Variants in KALRN observed in about 807,000 individuals in gnomAD.
KALRN encodes kalirin.
In KALRN, 70 loss-of-function variants were observed where a neutral mutation model predicts 353.7. The ratio of observed to expected loss-of-function variants is 0.20; its 90% CI spans 0.16 to 0.24. The LOEUF is 0.24. KALRN is among the 10% of genes least tolerant of loss of function. KALRN has a pLI of 1.00. For synonymous variants in KALRN, 1,391 were observed against 1,434.8 expected (o/e 0.97, Z 0.69); for missense variants, 2,791 against 3,756.7 (o/e 0.74, Z 6.72).
intron 39 of KALRN, among the ~76,000 whole-genome samples, chr3:124,656,411 C>A (rs931724800): frequency 4.6e-5 from 7 of 152,098 alleles, no homozygotes; most frequent in South Asian, 2.1e-4. Flanking sequence ...GAGATCGAGA[C>A]CGTCCTGGCT....
chr3:124,666,752 A>T (rs1217852190), intron 46 of KALRN, 118 bp downstream of exon 46: 2 of 861,710 alleles, frequency 2.3e-6, no homozygotes, highest in Non-Finnish European at 3.6e-6. Context: ...TTTCAGCCGA[A>T]TAACATTCGG....
intron 1 of KALRN, chr3:124,163,026 A>G (rs1009253633): frequency 6.6e-6 from 1 of 152,242 alleles, no homozygotes; most frequent in Non-Finnish European, 1.5e-5. Context: ...CAAAGGCAAG[A>G]CACCTGAAAT....
chr3:124,591,276 C>G (rs1219744227), intron 34 of KALRN, among the ~76,000 whole-genome samples: 1 of 152,176 alleles, frequency 6.6e-6, no homozygotes, highest in Non-Finnish European at 1.5e-5. Context: ...ATTCAGGTCC[C>G]TTTTCCCCGC....
At chr3:124,313,255 C>T (rs555704106) in intron 6 of KALRN, among the ~76,000 whole-genome samples, 3 of 152,268 alleles carry the variant, frequency 2.0e-5, no homozygotes, top group African/African-American at 7.2e-5. Context: ...AAGACAGAAG[C>T]AAAGCCACTA....
chr3:124,257,486 C>T (rs930658761), intron 3 of KALRN, among the ~76,000 whole-genome samples: 8 of 152,214 alleles, frequency 5.3e-5, no homozygotes, highest in African/African-American at 1.9e-4. Context: ...TGAAAACGGC[C>T]CCAGTGGCAT....
intron 10 of KALRN, among the ~76,000 whole-genome samples, chr3:124,360,204 G>A (rs2083874736): frequency 6.6e-6 from 1 of 152,186 alleles, no homozygotes; most frequent in Non-Finnish European, 1.5e-5. Context: ...GATTCTTGGG[G>A]TACCTGGTAA....
At chr3:124,491,012 A>C in intron 30 of KALRN, 128 bp downstream of exon 30, 1 of 799,796 alleles carries the variant, frequency 1.3e-6, no homozygotes, top group Non-Finnish European at 1.9e-6. Context: ...GGACAAATGA[A>C]AATGTCTCCT....
intron 34 of KALRN, among the ~76,000 whole-genome samples, chr3:124,630,889 C>T (rs535545375): frequency 2.0e-5 from 3 of 152,262 alleles, no homozygotes; most frequent in East Asian, 1.9e-4. Context: ...TAAAACAGTA[C>T]AAGAATTCTC....
chr3:124,494,646 C>T (rs983744814), intron 32 of KALRN, among the ~76,000 whole-genome samples: 3 of 152,204 alleles, frequency 2.0e-5, no homozygotes, highest in African/African-American at 7.2e-5. Flanking sequence ...GAGCAGTTGA[C>T]TTAGAAATGT....
At chr3:124,200,639 A>T (rs1413945548) in intron 1 of KALRN, among the ~76,000 whole-genome samples, 1 of 152,176 alleles carries the variant, frequency 6.6e-6, no homozygotes, top group African/African-American at 2.4e-5. Flanking sequence ...TGCCTTAGAG[A>T]ATTGTGGTGA....
intron 1 of KALRN, among the ~76,000 whole-genome samples, chr3:124,056,378 G>A (rs889280960): frequency 2.0e-5 from 3 of 152,080 alleles, no homozygotes; most frequent in Non-Finnish European, 2.9e-5. Context: ...TGGTGCAAAG[G>A]GGTATGTCCC....
intron 33 of KALRN, among the ~76,000 whole-genome samples, chr3:124,549,953 G>A (rs1197905202): frequency 6.6e-6 from 1 of 152,042 alleles, no homozygotes; most frequent in Admixed American, 6.5e-5. Flanking sequence ...GAAGTGGGTG[G>A]GGAAGTGTTA....
At chr3:124,700,816 T>C (rs981361635) in intron 56 of KALRN, among the ~76,000 whole-genome samples, 6 of 152,100 alleles carry the variant, frequency 3.9e-5, no homozygotes, top group African/African-American at 1.4e-4. Flanking sequence ...CCAGAGGGGT[T>C]TGGGAAACCC....
chr3:124,298,889 C>T lies in KALRN; in HGVS notation c.1068C>T (p.His356=), dbSNP rs2077050702. The T allele has an allele frequency of 2.5e-6, 4 of 1,614,062 alleles. No individual in the cohort carries two copies. In the East Asian group the frequency reaches 6.7e-5, roughly 27 times the overall value. ...YQYALDLQTQ[H]NHFAMNSMNA... ...ACGCCCTTGACCTCCAGACGCAGCA[C>T]AATCACTTTGCCATGAACTCCATGG... is the stretch of plus-strand genomic sequence containing the variant. The change falls in exon 6 of 60, where the codon CAC becomes CAT. Residue 356 remains histidine, a synonymous_variant. Transcript: ENST00000682506.
Position 124,477,254 on chromosome 3 carries a change from T to C in KALRN, c.4111T>C (p.Phe1371Leu). 6.2e-7 allele frequency: 1 copy of C among 1,611,792 alleles called. No individual in the cohort carries two copies. The highest frequency in any genetic ancestry group is 1.1e-5 in the South Asian group (1 of 90,952). Reference sequence around the variant, plus strand: ...TCTTTGTTCTTTTTAGGCAGACAAATTTCAGATGTATGTCACCTACTGTAA... The same window carrying C: ...TCTTTGTTCTTTTTAGGCAGACAAACTTCAGATGTATGTCACCTACTGTAA... ...GHCFVTWADK[F>L]QMYVTYCKNK... The change falls in exon 27 of 60, where the codon TTT becomes CTT. Residue 1371 changes from phenylalanine to leucine, a missense_variant. Phe to Leu is a conservative substitution (Grantham distance 22). Around this residue, in one of 11 missense-constraint regions of KALRN, gnomAD observed 54 missense variants for 131.7 expected, o/e 0.41. Coordinates refer to ENST00000682506, the MANE Select transcript of KALRN (RefSeq NM_001388419.1).
chr3:124,547,070 G>A (rs765606150), intron 33 of KALRN, among the ~76,000 whole-genome samples: 10 of 152,170 alleles, frequency 6.6e-5, no homozygotes, highest in Non-Finnish European at 1.3e-4. Context: ...GTTTGAAGTC[G>A]ACCAAAACCC....
At chr3:124,646,050 A>G (rs1022371435) in intron 37 of KALRN, among the ~76,000 whole-genome samples, 2 of 152,066 alleles carry the variant, frequency 1.3e-5, no homozygotes, top group African/African-American at 4.8e-5. Flanking sequence ...TTTGTTCTTA[A>G]TAGCCATCCT....
intron 29 of KALRN, among the ~76,000 whole-genome samples, chr3:124,489,686 T>G (rs2062931876): frequency 6.6e-6 from 1 of 152,214 alleles, no homozygotes; most frequent in Non-Finnish European, 1.5e-5. Context: ...CCCTGACCTA[T>G]GCTCTGGATC....
intron 10 of KALRN, among the ~76,000 whole-genome samples, chr3:124,353,519 G>A (rs577980722): frequency 8.9e-4 from 135 of 152,272 alleles, no homozygotes; most frequent in Non-Finnish European, 1.6e-3. Flanking sequence ...GAGGCATAAT[G>A]TTTGCTCCTT....
Sources: gnomAD v4.1 joint callset for allele counts (sites outside exome capture counted in the v4.1 genomes callset) on GRCh38, gnomAD v4.1.1 for gene constraint, gnomAD v4.1.1 regional missense constraint, MANE v1.5 for transcripts, NCBI Gene and HGNC (gene_info 2026-07-23, HGNC 2026-07-21) for gene names.